Variants in GAB1 observed in about 807,000 individuals in gnomAD.
The protein encoded by GAB1 is GRB2-associated-binding protein 1.
In GAB1, 19 loss-of-function variants were observed where a neutral mutation model predicts 66.5. That is an observed-to-expected ratio of 0.29 (90% CI 0.20 to 0.42). GAB1 has a LOEUF of 0.42. Among genes scored for constraint, GAB1 ranks in the 10% least tolerant of loss-of-function variants. The pLI, the probability that GAB1 is intolerant of heterozygous loss-of-function variation, is 1.00. For synonymous variants in GAB1, 294 were observed against 301.4 expected, an observed-to-expected ratio of 0.98 and a Z score of 0.25; for missense variants, 732 against 858.5, an observed-to-expected ratio of 0.85 and a Z score of 1.84.
intron 1 of GAB1, among the ~76,000 whole-genome samples, chr4:143,337,728 C>T (rs548379774): frequency 1.3e-5 from 2 of 152,278 alleles, no homozygotes; most frequent in East Asian, 3.9e-4. Flanking sequence ...CTCCTCCGCC[C>T]CTCGAGATGG....
chr4:143,362,437 A>G (rs1007285186), intron 1 of GAB1, among the ~76,000 whole-genome samples: 3 of 152,196 alleles, frequency 2.0e-5, no homozygotes, highest in Non-Finnish European at 4.4e-5. Context: ...TGGCTACTCC[A>G]TAGAGCAGCC....
chr4:143,411,639 A>T (rs1044881857), intron 1 of GAB1, among the ~76,000 whole-genome samples: 2 of 152,188 alleles, frequency 1.3e-5, no homozygotes, highest in African/African-American at 4.8e-5. Flanking sequence ...AGAATCTCAG[A>T]TATTTTCAGA....
chr4:143,408,126 G>T (rs575137801), intron 1 of GAB1, among the ~76,000 whole-genome samples: 2 of 152,108 alleles, frequency 1.3e-5, no homozygotes, highest in South Asian at 4.2e-4. Flanking sequence ...CTGTTTCCTG[G>T]CTGAGACTCC....
At chr4:143,435,698 A>G (rs1189509963) in intron 3 of GAB1, among the ~76,000 whole-genome samples, 1 of 152,230 alleles carries the variant, frequency 6.6e-6, no homozygotes. Flanking sequence ...GATATAGTCT[A>G]CTCAGATATA....
chr4:143,337,270 G>C lies in GAB1; in HGVS notation c.72+10G>C. ...AAAGTTGAAGCGTTATGTAAGTAGA[G>C]CTGCGGGCACCACTCCGCGGGCCTC... On this transcript the variant is annotated intron_variant, in intron 1 of 9. Coordinates refer to ENST00000262994, the MANE Select transcript of GAB1 (RefSeq NM_002039.4). 6.4e-7 allele frequency: 1 copy of C among 1,570,036 alleles called. No homozygotes were observed. The highest frequency in any genetic ancestry group is 1.9e-5 in the Admixed American group (1 of 52,632).
intron 1 of GAB1, among the ~76,000 whole-genome samples, chr4:143,347,316 T>C (rs1300040842): frequency 6.6e-6 from 1 of 152,240 alleles, no homozygotes; most frequent in African/African-American, 2.4e-5. Flanking sequence ...TCTCATGTAT[T>C]GTTTGAGTGT....
intron 1 of GAB1, among the ~76,000 whole-genome samples, chr4:143,361,912 G>A (rs1310263202): frequency 7.1e-5 from 8 of 111,902 alleles, no homozygotes. Context: ...AGTGTTGTGT[G>A]TGGTTTTTTT....
chr4:143,424,741 A>G (rs1224239820), intron 2 of GAB1: 2 of 197,434 alleles, frequency 1.0e-5, no homozygotes, highest in African/African-American at 4.7e-5. Context: ...TGGATCACTA[A>G]GTCAGGAGAT....
chr4:143,370,629 A>T (rs1730078755), intron 1 of GAB1, among the ~76,000 whole-genome samples: 1 of 152,052 alleles, frequency 6.6e-6, no homozygotes, highest in African/African-American at 2.4e-5. Flanking sequence ...TACGTGTGCC[A>T]TGTTGGTGTG....
intron 2 of GAB1, chr4:143,424,784 GTC>G (rs1733235701): frequency 7.1e-6 from 2 of 280,960 alleles, no homozygotes; most frequent in Non-Finnish European, 1.4e-5. Flanking sequence ...GTGAAACCCT[GTC>G]TCTACTAAAA....
intron 1 of GAB1, among the ~76,000 whole-genome samples, chr4:143,390,016 A>G (rs944654076): frequency 6.6e-6 from 1 of 152,222 alleles, no homozygotes; most frequent in African/African-American, 2.4e-5. Context: ...GTTGTGTAAC[A>G]GTGTTTCACA....
chr4:143,450,443 G>A lies in GAB1; in HGVS notation c.1586-8942G>A, dbSNP rs573408804. 2.2e-3 allele frequency among the ~76,000 whole-genome samples: 330 copies of A among 152,244 alleles called. 2 individuals carry two copies. Among genetic ancestry groups the A allele is most frequent in the Non-Finnish European group, 4.1e-3 (278 of 68,008 alleles). ...GAAAATAAAATGTCCACTTTGTGTG[G>A]AATTTATGTAAGTAGTTACCTATTA... On this transcript the variant is annotated intron_variant, in intron 6 of 9. Coordinates refer to ENST00000262994, the MANE Select transcript of GAB1 (RefSeq NM_002039.4).
chr4:143,360,789 G>A (rs138810216), intron 1 of GAB1, among the ~76,000 whole-genome samples: 49 of 152,212 alleles, frequency 3.2e-4, no homozygotes, highest in African/African-American at 7.5e-4. Flanking sequence ...AAAGTTACTG[G>A]TAATAAGCCA....
At chr4:143,353,360 T>G (rs1729306734) in intron 1 of GAB1, among the ~76,000 whole-genome samples, 1 of 152,212 alleles carries the variant, frequency 6.6e-6, no homozygotes, top group Non-Finnish European at 1.5e-5. Context: ...GCTTTCCAAC[T>G]TTGTGTTTGT....
intron 6 of GAB1, among the ~76,000 whole-genome samples, chr4:143,456,950 G>A (rs1560784239): frequency 1.3e-5 from 2 of 152,190 alleles, no homozygotes; most frequent in South Asian, 4.1e-4. Flanking sequence ...GAAGATGATG[G>A]TAACTGAATT....
chr4:143,345,209 T>C (rs1264763877), intron 1 of GAB1, among the ~76,000 whole-genome samples: 1 of 152,242 alleles, frequency 6.6e-6, no homozygotes, highest in African/African-American at 2.4e-5. Flanking sequence ...ATGTTTATCA[T>C]CTTTCTAAAC....
intron 1 of GAB1, among the ~76,000 whole-genome samples, chr4:143,370,542 A>G (rs1730075623): frequency 6.6e-6 from 1 of 152,172 alleles, no homozygotes; most frequent in Non-Finnish European, 1.5e-5. Context: ...GTCCTCATTG[A>G]TAGTACAGAA....
At chr4:143,460,008 A>G (rs1034124800) in intron 7 of GAB1, among the ~76,000 whole-genome samples, 1 of 151,208 alleles carries the variant, frequency 6.6e-6, no homozygotes, top group Non-Finnish European at 1.5e-5. Flanking sequence ...CCTATGTTGA[A>G]CATATGTTCA....
At chr4:143,397,542 T>C (rs1435589533) in intron 1 of GAB1, among the ~76,000 whole-genome samples, 2 of 152,240 alleles carry the variant, frequency 1.3e-5, no homozygotes, top group African/African-American at 4.8e-5. Flanking sequence ...TTAAATTATA[T>C]GTATAAACAT....
Sources: gnomAD v4.1 joint callset for allele counts (sites outside exome capture counted in the v4.1 genomes callset) on GRCh38, gnomAD v4.1.1 for gene constraint, MANE v1.5 for transcripts, NCBI Gene and HGNC (gene_info 2026-07-23, HGNC 2026-07-21) for gene names.